The following TRO variants were observed in gnomAD, a reference collection of about 807,000 sequenced individuals.
TRO encodes trophinin, also known as MAGE superfamily protein.
In TRO, 29 loss-of-function variants were observed where a neutral mutation model predicts 42.3. The observed-to-expected ratio is 0.68, with a 90% CI of 0.51 to 0.93. The LOEUF (loss-of-function observed/expected upper bound fraction) is 0.93, where lower values mean the gene tolerates loss of function less well. Ranked by LOEUF, TRO falls within the 40% of genes least tolerant of loss-of-function variation. TRO has a pLI of 0.00. For missense variants in TRO, 963 were observed against 1,127.7 expected (o/e 0.85, Z 2.09); for synonymous variants, 384 against 425.2 (o/e 0.90, Z 1.19).
rs372056337 is a variant in TRO, at chrX:54,930,463, G to A, written c.3739G>A (p.Ala1247Thr). ...CTTTGATGGTGGGCTAGGTACCAGCGCTGGCTTCGGTGGAGGACCAGGCAC... is the reference window on the plus strand; with the variant it reads ...CTTTGATGGTGGGCTAGGTACCAGCACTGGCTTCGGTGGAGGACCAGGCAC... ...SGFDGGLGTSAGFGGGPGTST... is the reference protein window; with the variant it reads ...SGFDGGLGTSTGFGGGPGTST... The change falls in exon 12 of 13, where the codon GCT (alanine) becomes ACT (threonine). Residue 1247 changes from alanine to threonine, a missense_variant. This residue lies in a region of TRO where 641 missense variants were observed against 811.3 expected (regional missense o/e 0.79). Transcript: ENST00000173898. The A allele has an allele frequency of 6.6e-6, 8 of 1,208,528 alleles. No individual in the cohort carries two copies. The highest frequency in any genetic ancestry group is 4.4e-5 in the Admixed American group (2 of 45,667).
In TRO at chrX:54,925,588, G is replaced by A. The variant is rs1932652052; in HGVS notation, c.1486-4G>A. On this transcript the variant is annotated splice_region_variant and splice_polypyrimidine_tract_variant and intron_variant, in intron 6 of 12. Coordinates refer to ENST00000173898, the MANE Select transcript of TRO (RefSeq NM_001039705.3). ...ATCTCACAGGCTATTCTTTTACTTGGCAGATGTTTCGAGTCAATCTGAAAG... is the reference window on the plus strand; with the variant it reads ...ATCTCACAGGCTATTCTTTTACTTGACAGATGTTTCGAGTCAATCTGAAAG... The A allele has an allele frequency of 5.8e-6, 7 of 1,206,059 alleles. No individual in the cohort carries two copies. Among genetic ancestry groups the A allele is most frequent in the Non-Finnish European group, 7.9e-6 (7 of 891,451 alleles).
chrX:54,930,804 A>G lies in TRO; in HGVS notation c.4080A>G (p.Gly1360=), dbSNP rs1265525047. Residue 1360 remains glycine (G), a synonymous_variant, in exon 12 of 13, where the codon GGA becomes GGG. Transcript: ENST00000173898. ...GCACCAGCACGGGCTTCAGTAGTGG[A>G]CCCAGTTCTATTGTTGGCTTCAGCG... The part of the protein sequence containing the change: ...EPSTSTGFSS[G]PSSIVGFSGG... 1 of 1,211,602 alleles carries G rather than the reference A, an allele frequency of 8.3e-7. No individual in the cohort carries two copies. The highest frequency in any genetic ancestry group is 1.8e-5 in the South Asian group (1 of 56,985).
chrX:54,926,151 C>T (rs781627855), intron 7 of TRO, among the ~76,000 whole-genome samples: 1 of 112,168 alleles, frequency 8.9e-6, no homozygotes, highest in Non-Finnish European at 1.9e-5. Flanking sequence ...CTTCCATCTT[C>T]TTGGCAACCT....
At chrX:54,924,022 C>T (rs971906718) in intron 3 of TRO, 6 of 386,776 alleles carry the variant, frequency 1.6e-5, no homozygotes, top group South Asian at 1.1e-4. Flanking sequence ...GTAGTTACCA[C>T]GTGCCAGGCT....
At position 54,930,913 on chromosome X, in the gene TRO, G is replaced by A. The variant is rs1263944061; in HGVS notation, c.4189G>A (p.Gly1397Ser). ...TGGACCGAGCACAGGAGCTGGCTTC[G>A]GCGGTGGACCAAACACTGGTGCTGG... ...SGGPSTGAGF[G>S]GGPNTGAGFG... The change falls in exon 12 of 13, where the codon GGC becomes AGC. Residue 1397 changes from glycine (G) to serine (S), a missense_variant. Gly to Ser is a moderately conservative substitution (Grantham distance 56). Transcript: ENST00000173898. 6 of 1,208,868 alleles carry A rather than the reference G, an allele frequency of 5.0e-6. No homozygotes were observed. Among genetic ancestry groups the A allele is most frequent in the Admixed American group, 4.4e-5 (2 of 45,677 alleles).
chrX:54,928,055 G>A (rs958783339), intron 11 of TRO, among the ~76,000 whole-genome samples: 1 of 112,545 alleles, frequency 8.9e-6, no homozygotes, highest in Non-Finnish European at 1.9e-5. Flanking sequence ...AGTTCTTGAG[G>A]GCGAGAATCC....
chrX:54,923,440 A>G lies in TRO; in HGVS notation c.908A>G (p.Lys303Arg). 8.4e-7 allele frequency: 1 copy of G among 1,193,609 alleles called. No individual in the cohort carries two copies. The highest frequency in any genetic ancestry group is 1.1e-6 in the Non-Finnish European group (1 of 885,710). ...VAIRPKKSKG[K>R]KAASRGPNSV... ...ATCAGGCCCAAAAAATCCAAGGGCA[A>G]GAAGGCTGCCAGCAGGGGCCCAAAT... is the stretch of plus-strand genomic sequence containing the variant. The change falls in exon 3 of 13, where the codon AAG becomes AGG. Residue 303 changes from lysine (K) to arginine (R), a missense_variant. Around this residue, in one of 2 missense-constraint regions of TRO, gnomAD observed 322 missense variants for 316.5 expected, o/e 1.02. Transcript: ENST00000173898.
rs1173085688 is a variant in TRO at position 54,931,209 on chromosome X, T to C, written c.*17T>C. 2 of 1,209,773 alleles carry C rather than the reference T, an allele frequency of 1.7e-6. No individual in the cohort carries two copies. The highest frequency in any genetic ancestry group is 1.7e-5 in the African/African-American group (1 of 57,239). On this transcript the variant is annotated 3_prime_UTR_variant, in exon 13 of 13. Transcript: ENST00000173898. Reference sequence around the variant, plus strand: ...CCTATTTGTTTTGTTTTCAGATTTATTCCCCATGTTTACAGATACCGCTAA... The same window carrying C: ...CCTATTTGTTTTGTTTTCAGATTTACTCCCCATGTTTACAGATACCGCTAA...
In TRO at chrX:54,929,500, A is replaced by C. The variant is rs1336179752; in HGVS notation, c.2776A>C (p.Ser926Arg). The C allele has an allele frequency of 8.3e-7, 1 of 1,210,687 alleles. No individual in the cohort carries two copies. Among genetic ancestry groups the C allele is most frequent in the Non-Finnish European group, 1.1e-6 (1 of 895,366 alleles). Reference sequence around the variant, plus strand: ...CTGCTTCGGTGGCTCTCCCTGCACCAGCACTGGCTTTGGAGGCACACTTAG... The same window carrying C: ...CTGCTTCGGTGGCTCTCCCTGCACCCGCACTGGCTTTGGAGGCACACTTAG... ...SICFGGSPCT[S>R]TGFGGTLSTS... The change falls in exon 12 of 13, where the codon AGC (serine) becomes CGC (arginine). Residue 926 changes from serine to arginine, a missense_variant. This residue lies in a region of TRO where 641 missense variants were observed against 811.3 expected (regional missense o/e 0.79). Transcript: ENST00000173898.
At position 54,922,592 on chromosome X, in the gene TRO, C is replaced by T. The variant is rs188738478; in HGVS notation, c.60C>T (p.Pro20=). 8.3e-7 allele frequency: 1 copy of T among 1,207,074 alleles called. No homozygotes were observed. Among genetic ancestry groups the T allele is most frequent in the East Asian group, 3.0e-5 (1 of 33,681 alleles). ...RVPLFQGPLP[P]PGSLGLPFPP... Reference sequence around the variant, plus strand: ...TAAGTGTGTAGGGCCCTCTGCCTCCCCCGGGGAGCCTGGGGCTTCCCTTCC... The same window carrying T: ...TAAGTGTGTAGGGCCCTCTGCCTCCTCCGGGGAGCCTGGGGCTTCCCTTCC... Residue 20 remains proline, a synonymous_variant, in exon 3 of 13, where the codon CCC becomes CCT. Coordinates refer to ENST00000173898, the MANE Select transcript of TRO (RefSeq NM_001039705.3).
Position 54,930,894 on chromosome X carries a change from G to A in TRO, c.4170G>A (p.Pro1390=), listed in dbSNP as rs777105981. 8 of 1,207,200 alleles carry A rather than the reference G, an allele frequency of 6.6e-6. No individual in the cohort carries two copies. In the South Asian group the frequency reaches 1.1e-4, roughly 16 times the overall value. ...GCACCAGTGGCTTCAGCGGTGGACC[G>A]AGCACAGGAGCTGGCTTCGGCGGTG... ...GPSTSGFSGG[P]STGAGFGGGP... The change falls in exon 12 of 13, where the codon CCG becomes CCA. Residue 1390 remains proline, a synonymous_variant. Transcript: ENST00000173898.
chrX:54,929,384 C>T lies in TRO; in HGVS notation c.2660C>T (p.Thr887Ile). ...TVFSSALSTS[T>I]GFGGILSTSV... ...TTCAGTAGTGCGCTTAGCACCAGCA[C>T]TGGCTTTGGAGGCATACTCAGCACC... The change falls in exon 12 of 13, where the codon ACT becomes ATT. Residue 887 changes from threonine to isoleucine, a missense_variant. Physicochemically the swap from Thr to Ile is moderately conservative, Grantham distance 89. Around this residue, in one of 2 missense-constraint regions of TRO, gnomAD observed 641 missense variants for 811.3 expected, o/e 0.79. Coordinates refer to ENST00000173898, the MANE Select transcript of TRO (RefSeq NM_001039705.3). The T allele has an allele frequency of 1.6e-6, 2 of 1,212,492 alleles. No individual in the cohort carries two copies. The highest frequency in any genetic ancestry group is 5.9e-5 in the East Asian group (2 of 33,856).
At position 54,930,281 on chromosome X, in the gene TRO, G is replaced by C; in HGVS notation, c.3557G>C (p.Ser1186Thr). The change falls in exon 12 of 13, where the codon AGT becomes ACT. Residue 1186 changes from serine to threonine, a missense_variant. Physicochemically the swap from Ser to Thr is moderately conservative, Grantham distance 58. Coordinates refer to ENST00000173898, the MANE Select transcript of TRO (RefSeq NM_001039705.3). ...SACFSGATSP[S>T]FCDGPSTSTG... Reference sequence around the variant, plus strand: ...TGCTTTAGTGGTGCTACCAGCCCTAGTTTTTGTGATGGACCCAGCACCAGT... The same window carrying C: ...TGCTTTAGTGGTGCTACCAGCCCTACTTTTTGTGATGGACCCAGCACCAGT... 8.2e-7 allele frequency: 1 copy of C among 1,212,249 alleles called. No homozygotes were observed. The highest frequency in any genetic ancestry group is 1.8e-5 in the South Asian group (1 of 57,036).
Position 54,923,563 on chromosome X carries a change from G to T in TRO, c.1031G>T (p.Arg344Leu), listed in dbSNP as rs1281194086. The T allele has an allele frequency of 8.4e-7, 1 of 1,195,917 alleles. No individual in the cohort carries two copies. Among genetic ancestry groups the T allele is most frequent in the Non-Finnish European group, 1.1e-6 (1 of 886,641 alleles). ...CGGGTCAAGAGAGGGTCTAGGGCTC[G>T]GAAGGCTGCCACTAAGGCTCGGGCA... is the stretch of plus-strand genomic sequence containing the variant. ...TLRVKRGSRA[R>L]KAATKARATE... Residue 344 changes from arginine to leucine, a missense_variant, in exon 3 of 13, where the codon CGG (arginine) becomes CTG (leucine). By Grantham distance (102) the Arg-to-Leu change is moderately radical. Transcript: ENST00000173898.
chrX:54,929,396 G>A lies in TRO; in HGVS notation c.2672G>A (p.Gly891Asp), dbSNP rs771427130. 3 of 1,211,989 alleles carry A rather than the reference G, an allele frequency of 2.5e-6. No individual in the cohort carries two copies. In the Admixed American group the frequency reaches 6.5e-5, roughly 26 times the overall value. Reference protein sequence around the residue: ...SALSTSTGFGGILSTSVCFGG... With the variant: ...SALSTSTGFGDILSTSVCFGG... ...CTTAGCACCAGCACTGGCTTTGGAG[G>A]CATACTCAGCACCAGTGTCTGTTTT... The change falls in exon 12 of 13, where the codon GGC becomes GAC. Residue 891 changes from glycine to aspartate, a missense_variant. Around this residue, in one of 2 missense-constraint regions of TRO, gnomAD observed 641 missense variants for 811.3 expected, o/e 0.79. Coordinates refer to ENST00000173898, the MANE Select transcript of TRO (RefSeq NM_001039705.3).
At position 54,930,828 on chromosome X, in the gene TRO, C is replaced by T. The variant is rs777209459; in HGVS notation, c.4104C>T (p.Ser1368=). The T allele has an allele frequency of 2.6e-5, 32 of 1,209,850 alleles. No homozygotes were observed. Among genetic ancestry groups the T allele is most frequent in the African/African-American group, 1.2e-4 (7 of 57,254 alleles). The change falls in exon 12 of 13, where the codon AGC becomes AGT. Residue 1368 remains serine, a synonymous_variant. Coordinates refer to ENST00000173898, the MANE Select transcript of TRO (RefSeq NM_001039705.3). The stretch of plus-strand genomic sequence containing the variant: ...GACCCAGTTCTATTGTTGGCTTCAG[C>T]GGTGGACCAAGCACTGGTGTTGGCT... ...SSGPSSIVGF[S]GGPSTGVGFC...
At position 54,922,186 on chromosome X, in the gene TRO, C is replaced by T; in HGVS notation, c.-44-17C>T. 8.7e-7 allele frequency: 1 copy of T among 1,147,451 alleles called. No homozygotes were observed. The allele number at this position is 1,147,451 out of a possible 1,213,427, so 94.6% of individuals were successfully genotyped here. The stretch of plus-strand genomic sequence containing the variant: ...ATGTCTGATGAATCTCCCCCTCCCT[C>T]TCATTCTCTAACTCAGGCCCATTCC... On this transcript the variant is annotated splice_polypyrimidine_tract_variant and intron_variant, in intron 1 of 12. Coordinates refer to ENST00000173898, the MANE Select transcript of TRO (RefSeq NM_001039705.3).
Position 54,925,629 on chromosome X carries a change from G to T in TRO, c.1523G>T (p.Ser508Ile). The T allele has an allele frequency of 8.3e-7, 1 of 1,211,177 alleles. No individual in the cohort carries two copies. The highest frequency in any genetic ancestry group is 1.1e-6 in the Non-Finnish European group (1 of 895,110). ...AATCTGAAAGAAATTGATAAGCAAA[G>T]TAGCTTGTATATTCTCATCAGCACT... ...RVNLKEIDKQSSLYILISTQE... is the reference protein window; with the variant it reads ...RVNLKEIDKQISLYILISTQE... The change falls in exon 7 of 13, where the codon AGT (serine) becomes ATT (isoleucine). Residue 508 changes from serine (S) to isoleucine (I), a missense_variant. Transcript: ENST00000173898.
intron 10 of TRO, chrX:54,927,441 C>A: frequency 2.2e-6 from 1 of 455,160 alleles, no homozygotes; most frequent in East Asian, 3.5e-5. Flanking sequence ...CATGTCTCCC[C>A]TGGAGAAGCC....
Sources: gnomAD v4.1 joint callset for allele counts (sites outside exome capture counted in the v4.1 genomes callset) on GRCh38, gnomAD v4.1.1 for gene constraint, gnomAD v4.1.1 regional missense constraint, MANE v1.5 for transcripts, NCBI Gene and HGNC (gene_info 2026-07-23, HGNC 2026-07-21) for gene names.